PCDH15: variants seen among roughly 807,000 people sequenced by gnomAD.
PCDH15 encodes protocadherin related 15.
Under a neutral mutation model 178.5 loss-of-function variants are expected in PCDH15, and 129 were observed. The observed-to-expected ratio is 0.72, with a 90% CI of 0.63 to 0.84. The LOEUF is 0.84. Among genes scored for constraint, PCDH15 ranks in the 40% least tolerant of loss-of-function variants. The pLI, the probability that PCDH15 is intolerant of heterozygous loss-of-function variation, is 0.00. For synonymous variants in PCDH15, 800 were observed against 732.0 expected, an observed-to-expected ratio of 1.09 and a Z score of -1.50; for missense variants, 2,230 against 2,099.9, an observed-to-expected ratio of 1.06 and a Z score of -1.21.
chr10:55,178,471 T>A (rs1839554746), intron 1 of PCDH15, among the ~76,000 whole-genome samples: 1 of 152,134 alleles, frequency 6.6e-6, no homozygotes, highest in African/African-American at 2.4e-5. Context: ...GTTCTTCAAA[T>A]CCTTCACCAA....
chr10:54,398,334 T>TGTTGTTA (rs1589213698), intron 3 of PCDH15, among the ~76,000 whole-genome samples: 1 of 151,866 alleles, frequency 6.6e-6, no homozygotes, highest in East Asian at 1.9e-4. Flanking sequence ...AAATCAAAAT[T>TGTTGTTA]TGTGAAAAAA....
At chr10:55,570,897 T>C (rs768204332) in intron 2 of PCDH15, among the ~76,000 whole-genome samples, 1 of 152,102 alleles carries the variant, frequency 6.6e-6, no homozygotes, top group Non-Finnish European at 1.5e-5. Context: ...GCAAAGGCAA[T>C]AATCATTACT....
chr10:54,287,950 T>C (rs533347234), intron 8 of PCDH15, among the ~76,000 whole-genome samples: 1 of 152,264 alleles, frequency 6.6e-6, no homozygotes, highest in East Asian at 1.9e-4. Context: ...AACTTATCAT[T>C]ATAGGCACTT....
chr10:54,323,204 C>A (rs943502979), intron 7 of PCDH15, among the ~76,000 whole-genome samples: 8 of 151,874 alleles, frequency 5.3e-5, no homozygotes, highest in African/African-American at 1.9e-4. Context: ...ATTAAAAAGT[C>A]AAAAAATTAC....
chr10:53,925,942 A>AT (rs944166812), intron 25 of PCDH15, among the ~76,000 whole-genome samples: 5 of 151,854 alleles, frequency 3.3e-5, no homozygotes, highest in East Asian at 1.9e-4. Context: ...ATGCTATATG[A>AT]TTTTTTTTCA....
intron 3 of PCDH15, among the ~76,000 whole-genome samples, chr10:54,526,982 G>A (rs1478842792): frequency 2.6e-5 from 4 of 152,098 alleles, no homozygotes; most frequent in Non-Finnish European, 5.9e-5. Context: ...ATATGAAAGT[G>A]CAAGCACATA....
At chr10:55,107,053 T>C (rs1214071692) in intron 2 of PCDH15, among the ~76,000 whole-genome samples, 1 of 152,266 alleles carries the variant, frequency 6.6e-6, no homozygotes, top group Non-Finnish European at 1.5e-5. Context: ...CAATGGATTT[T>C]AAGTCAGTTT....
rs1045050956 is a variant in PCDH15 at position 54,649,587 on chromosome 10, C to A, written c.91+14585G>T. Among the ~76,000 whole-genome samples, 3 of 152,136 alleles carry A rather than the reference C, an allele frequency of 2.0e-5. No individual in the cohort carries two copies. The East Asian group carries it at 5.8e-4, about 29-fold the overall frequency. Reference sequence around the variant, plus strand: ...ACAATATATATGTAATCTATAATTACACATATATGAGAGATTCAGTTAGTG... The same window carrying A: ...ACAATATATATGTAATCTATAATTAAACATATATGAGAGATTCAGTTAGTG... On this transcript the variant is annotated intron_variant, in intron 2 of 37. Transcript: ENST00000644397.
chr10:54,594,673 G>A (rs2092106420), intron 2 of PCDH15, among the ~76,000 whole-genome samples: 1 of 152,208 alleles, frequency 6.6e-6, no homozygotes, highest in South Asian at 2.1e-4. Flanking sequence ...GCCTGTACAT[G>A]TGTTTGCAGA....
intron 8 of PCDH15, among the ~76,000 whole-genome samples, chr10:54,273,179 A>G (rs1160169775): frequency 2.0e-5 from 3 of 152,228 alleles, no homozygotes; most frequent in Admixed American, 2.0e-4. Flanking sequence ...CATGTAATTT[A>G]TTGTTCAAAG....
intron 3 of PCDH15, among the ~76,000 whole-genome samples, chr10:54,478,401 AATGAT>A (rs890556577): frequency 6.6e-6 from 1 of 152,162 alleles, no homozygotes; most frequent in African/African-American, 2.4e-5. Flanking sequence ...CCCAAATTGT[AATGAT>A]AGCCAGTTGC....
chr10:54,655,117 A>G (rs2094348662), intron 2 of PCDH15: 1 of 152,550 alleles, frequency 6.6e-6, no homozygotes, highest in Admixed American at 6.5e-5. Flanking sequence ...AGCCCGAGGC[A>G]GGAGAATGGC....
intron 8 of PCDH15, among the ~76,000 whole-genome samples, chr10:54,285,382 A>G (rs896859443): frequency 6.6e-6 from 1 of 152,174 alleles, no homozygotes; most frequent in Admixed American, 6.6e-5. Context: ...CAATAGCAAG[A>G]AAACAAATAA....
intron 18 of PCDH15, among the ~76,000 whole-genome samples, chr10:54,061,387 T>C (rs1256529727): frequency 1.3e-5 from 2 of 152,320 alleles, no homozygotes; most frequent in African/African-American, 2.4e-5. Context: ...CTGAACTCAA[T>C]GTATTTTTAA....
chr10:55,228,068 A>G (rs1841103143), intron 1 of PCDH15, among the ~76,000 whole-genome samples: 1 of 152,064 alleles, frequency 6.6e-6, no homozygotes, highest in South Asian at 2.1e-4. Flanking sequence ...GACTGATGAA[A>G]ATGCTTCATG....
At chr10:54,351,119 A>AAGAT (rs778352753) in intron 5 of PCDH15, among the ~76,000 whole-genome samples, 2 of 152,054 alleles carry the variant, frequency 1.3e-5, no homozygotes, top group East Asian at 1.9e-4. Context: ...AAAAAAAAAA[A>AAGAT]AGATAGATAG....
chr10:55,112,341 A>G (rs1837529012), intron 2 of PCDH15, among the ~76,000 whole-genome samples: 2 of 152,178 alleles, frequency 1.3e-5, no homozygotes, highest in South Asian at 4.1e-4. Context: ...AGATTCGATG[A>G]GAAGATAAAG....
At chr10:54,922,041 C>T (rs1591785347) in intron 2 of PCDH15, among the ~76,000 whole-genome samples, 1 of 152,162 alleles carries the variant, frequency 6.6e-6, no homozygotes, top group Non-Finnish European at 1.5e-5. Context: ...GATTCAATTG[C>T]CTCCCAGCAG....
chr10:54,256,385 CTAAT>C (rs2056899868), intron 8 of PCDH15, among the ~76,000 whole-genome samples: 1 of 152,114 alleles, frequency 6.6e-6, no homozygotes, highest in African/African-American at 2.4e-5. Context: ...ATAGGTTGTC[CTAAT>C]TAATTAACCA....
Sources: gnomAD v4.1 joint callset for allele counts (sites outside exome capture counted in the v4.1 genomes callset) on GRCh38, gnomAD v4.1.1 for gene constraint, MANE v1.5 for transcripts, NCBI Gene and HGNC (gene_info 2026-07-23, HGNC 2026-07-21) for gene names.